Variants in CADPS observed in about 807,000 individuals in gnomAD.
CADPS encodes the protein calcium-dependent secretion activator 1.
Under a neutral mutation model 167.3 loss-of-function variants are expected in CADPS, and 57 were observed. The observed-to-expected ratio is 0.34, with a 90% CI of 0.28 to 0.42. CADPS has a LOEUF of 0.42. Among genes scored for constraint, CADPS ranks in the 20% least tolerant of loss-of-function variants. CADPS has a pLI of 1.00. For missense variants in CADPS, 1,414 were observed against 1,738.1 expected (o/e 0.81, Z 3.32); for synonymous variants, 676 against 635.3 (o/e 1.06, Z -0.96).
In CADPS at chr3:62,399,881, G is replaced by T. The variant is rs1705263786; in HGVS notation, c.3883-296C>A. On this transcript the variant is annotated intron_variant, in intron 29 of 29. Coordinates refer to ENST00000383710, the MANE Select transcript of CADPS (RefSeq NM_003716.4). The surrounding 1 kb of genome is among the most constrained non-coding windows in gnomAD (Gnocchi z 5.6). ...AGGGAAATGTTCCATAATTGTTTTG[G>T]TTCCTTTTTGTGGACTGGTTCTTTC... Among the ~76,000 whole-genome samples, 2 of 152,136 alleles carry T rather than the reference G, an allele frequency of 1.3e-5. No homozygotes were observed. Among genetic ancestry groups the T allele is most frequent in the African/African-American group, 4.8e-5 (2 of 41,434 alleles).
At chr3:62,594,061 G>T (rs913632542) in intron 6 of CADPS, among the ~76,000 whole-genome samples, 9 of 151,952 alleles carry the variant, frequency 5.9e-5, no homozygotes, top group Admixed American at 1.3e-4. Context: ...TTCATTTAGA[G>T]AACTTTTTCA....
Position 62,544,931 on chromosome 3 carries a change from G to T in CADPS, c.1966+4972C>A. On this transcript the variant is annotated intron_variant, in intron 11 of 29. Transcript: ENST00000383710. The surrounding 1 kb of genome is among the most constrained non-coding windows in gnomAD (Gnocchi z 4.4). ...ACTAGCAACAAGGCTCAGGAAAGCA[G>T]ACAGGAGTTCTAACCTAGCAGCCTA... 1.1e-6 allele frequency: 1 copy of T among 951,930 alleles called. No homozygotes were observed. The highest frequency in any genetic ancestry group is 1.4e-6 in the Non-Finnish European group (1 of 737,008). 59.0% of individuals were successfully genotyped at this position (951,930 alleles called of 1,614,324 possible). A position where few individuals can be genotyped will look rare whatever the true frequency, so the allele number is the denominator to read the frequency against.
chr3:62,506,638 G>C (rs575808221), intron 17 of CADPS, among the ~76,000 whole-genome samples: 11 of 152,282 alleles, frequency 7.2e-5, no homozygotes, highest in African/African-American at 2.6e-4. Context: ...GCTTAGGGGA[G>C]TTACCTTCTC....
At chr3:62,831,613 A>G (rs116035576) in intron 1 of CADPS, among the ~76,000 whole-genome samples, 1,602 of 152,318 alleles carry the variant, frequency 0.011, 12 homozygotes, top group Non-Finnish European at 0.017. Flanking sequence ...AATTAAATAG[A>G]GTCACAGATG....
intron 1 of CADPS, among the ~76,000 whole-genome samples, chr3:62,841,328 T>C (rs564667029): frequency 1.3e-5 from 2 of 152,348 alleles, no homozygotes; most frequent in African/African-American, 4.8e-5. Flanking sequence ...CATGTGCACA[T>C]TCACACAGTG....
At position 62,834,073 on chromosome 3, in the gene CADPS, GTAAGA is replaced by G. The variant is rs777952208; in HGVS notation, c.441+40511_441+40515del. 2.9e-3 allele frequency among the ~76,000 whole-genome samples: 438 copies of G among 152,200 alleles called. 3 individuals carry two copies. The highest frequency in any genetic ancestry group is 3.4e-3 in the Non-Finnish European group (232 of 67,996). ...TGTAAGTTCTCTGTCATGGGTCTTTGTAAGAAAAAGAAAATCATGCGTATCAGTAA... is the reference window on the plus strand; with the variant it reads ...TGTAAGTTCTCTGTCATGGGTCTTTGAAAAGAAAATCATGCGTATCAGTAA... On this transcript the variant is annotated intron_variant, in intron 1 of 29. Transcript: ENST00000383710.
At chr3:62,776,632 C>G (rs1486192088) in intron 1 of CADPS, among the ~76,000 whole-genome samples, 1 of 152,102 alleles carries the variant, frequency 6.6e-6, no homozygotes, top group African/African-American at 2.4e-5. Flanking sequence ...CCAGCATGGA[C>G]AACAGAGAGA....
intron 6 of CADPS, among the ~76,000 whole-genome samples, chr3:62,631,733 C>A (rs1480902772): frequency 2.6e-5 from 4 of 152,154 alleles, no homozygotes; most frequent in Non-Finnish European, 5.9e-5. Flanking sequence ...CAATGATTTG[C>A]TTGCTGTTTG....
chr3:62,512,657 G>A, intron 17 of CADPS, 94 bp downstream of exon 17: 1 of 901,166 alleles, frequency 1.1e-6, no homozygotes, highest in Non-Finnish European at 1.7e-6. Context: ...CTCTCTGGGA[G>A]TACAAACCTT....
intron 23 of CADPS, chr3:62,477,992 A>G: frequency 2.4e-6 from 1 of 416,662 alleles, no homozygotes; most frequent in Non-Finnish European, 4.4e-6. Context: ...TATCAGGGAT[A>G]CAAAAAAGAA....
At chr3:62,629,421 A>G (rs948044129) in intron 6 of CADPS, among the ~76,000 whole-genome samples, 6 of 152,208 alleles carry the variant, frequency 3.9e-5, no homozygotes, top group African/African-American at 7.2e-5. Flanking sequence ...TTGGAGGCTT[A>G]TCAATGTTGG....
At chr3:62,603,439 G>C (rs2060248613) in intron 6 of CADPS, among the ~76,000 whole-genome samples, 1 of 152,186 alleles carries the variant, frequency 6.6e-6, no homozygotes, top group African/African-American at 2.4e-5. Context: ...TCAGTACAGA[G>C]GAAACTTTCA....
In CADPS at chr3:62,831,077, C is replaced by T. The variant is rs148813776; in HGVS notation, c.441+43512G>A. ...TTTGCTTGATAATAAATCACCACCA[C>T]TTTAAGGGGAGGAGTGCATGGACCT... On this transcript the variant is annotated intron_variant, in intron 1 of 29. Transcript: ENST00000383710. 3.9e-3 allele frequency among the ~76,000 whole-genome samples: 594 copies of T among 152,250 alleles called. 4 individuals carry two copies. The highest frequency in any genetic ancestry group is 0.014 in the African/African-American group (568 of 41,568).
chr3:62,650,133 A>C (rs1198568253), intron 5 of CADPS, among the ~76,000 whole-genome samples: 2 of 152,138 alleles, frequency 1.3e-5, no homozygotes, highest in African/African-American at 2.4e-5. Flanking sequence ...TTTATGTTTA[A>C]CTTTTTCAGA....
chr3:62,702,489 C>CA (rs1420412703), intron 3 of CADPS, among the ~76,000 whole-genome samples: 1 of 152,018 alleles, frequency 6.6e-6, no homozygotes, highest in Non-Finnish European at 1.5e-5. Context: ...ACCAGTTGAG[C>CA]AGTATCATCA....
At chr3:62,850,982 G>A (rs935174627) in intron 1 of CADPS, among the ~76,000 whole-genome samples, 1 of 148,330 alleles carries the variant, frequency 6.7e-6, no homozygotes, top group Non-Finnish European at 1.5e-5. Context: ...TATATATTTA[G>A]GATAGTTAGC....
chr3:62,858,543 T>C (rs2080142668), intron 1 of CADPS, among the ~76,000 whole-genome samples: 1 of 152,128 alleles, frequency 6.6e-6, no homozygotes. Flanking sequence ...TAATTTTTCA[T>C]ACCTGAAAAA....
intron 8 of CADPS, among the ~76,000 whole-genome samples, chr3:62,574,665 G>A (rs1232516739): frequency 1.3e-5 from 2 of 152,230 alleles, no homozygotes; most frequent in East Asian, 1.9e-4. Flanking sequence ...GCTTGTAACA[G>A]TTAAGAGTAT....
Position 62,585,324 on chromosome 3 carries a change from C to T in CADPS, c.1438G>A (p.Val480Ile). The change falls in exon 8 of 30, where the codon GTT becomes ATT. Residue 480 changes from valine (V) to isoleucine (I), a missense_variant and splice_region_variant. Transcript: ENST00000383710. Reference protein sequence around the residue: ...LALEDKELGRVILHPTPNSPK... With the variant: ...LALEDKELGRIILHPTPNSPK... ...CTGTTCGGGGTGGGATGGAGAATAA[C>T]CTGTAGGGGAAAAAGGACAAGCAAC... is the stretch of plus-strand genomic sequence containing the variant. The T allele has an allele frequency of 6.3e-7, 1 of 1,597,774 alleles. No homozygotes were observed. The highest frequency in any genetic ancestry group is 1.1e-5 in the South Asian group (1 of 88,284).
Sources: gnomAD v4.1 joint callset for allele counts (sites outside exome capture counted in the v4.1 genomes callset) on GRCh38, gnomAD v4.1.1 for gene constraint, Gnocchi (gnomAD v3.1) non-coding constraint, MANE v1.5 for transcripts, NCBI Gene and HGNC (gene_info 2026-07-23, HGNC 2026-07-21) for gene names.